CELF4: variants seen among roughly 807,000 people sequenced by gnomAD.
CELF4 encodes the protein CUGBP Elav-like family member 4.
A neutral mutation model predicts 59.9 loss-of-function variants in CELF4; 18 were observed. That is an observed-to-expected ratio of 0.30 (90% CI 0.21 to 0.45). CELF4 has a LOEUF of 0.45. Ranked by LOEUF, CELF4 falls within the 20% of genes least tolerant of loss-of-function variation. The pLI is 1.00. For missense variants in CELF4, 456 were observed against 689.0 expected (o/e 0.66, Z 3.79); for synonymous variants, 261 against 267.1 (o/e 0.98, Z 0.22).
In CELF4 at chr18:37,354,636, G is replaced by T. The variant is rs145334576; in HGVS notation, c.370-32755C>A. On this transcript the variant is annotated intron_variant, in intron 2 of 12. Coordinates refer to ENST00000420428, the MANE Select transcript of CELF4 (RefSeq NM_020180.4). Reference sequence around the variant, plus strand: ...CCCTTTGGGGTTGGGGTGGTGCCACGTTGGCTTCTGCTCCCCTGACTCCTT... The same window carrying T: ...CCCTTTGGGGTTGGGGTGGTGCCACTTTGGCTTCTGCTCCCCTGACTCCTT... Among the ~76,000 whole-genome samples, 3 of 152,352 alleles carry T rather than the reference G, an allele frequency of 2.0e-5. No individual in the cohort carries two copies. In the East Asian group the frequency reaches 5.8e-4, roughly 29 times the overall value.
chr18:37,414,327 C>T (rs538769111), intron 2 of CELF4, among the ~76,000 whole-genome samples: 1 of 151,792 alleles, frequency 6.6e-6, no homozygotes, highest in East Asian at 1.9e-4. Context: ...CCCATTCATT[C>T]TTTCATCCAT....
At chr18:37,321,941 C>G in intron 2 of CELF4, 60 bp from the exon 3 acceptor site, 1 of 1,414,838 alleles carries the variant, frequency 7.1e-7, no homozygotes, top group Non-Finnish European at 9.9e-7. Context: ...GGACAGACAC[C>G]CAGCACTCAG....
At chr18:37,417,207 T>C (rs2154593140) in intron 2 of CELF4, among the ~76,000 whole-genome samples, 1 of 152,266 alleles carries the variant, frequency 6.6e-6, no homozygotes, top group South Asian at 2.1e-4. Flanking sequence ...GGGCTCCAAG[T>C]GCAGGAGATA....
At chr18:37,393,744 C>T (rs890768558) in intron 2 of CELF4, among the ~76,000 whole-genome samples, 1 of 146,256 alleles carries the variant, frequency 6.8e-6, no homozygotes, top group Non-Finnish European at 1.5e-5. Flanking sequence ...GATTCCTTCA[C>T]CTTTTAACTA....
chr18:37,542,280 G>A (rs540252031), intron 1 of CELF4, among the ~76,000 whole-genome samples: 21 of 152,198 alleles, frequency 1.4e-4, no homozygotes, highest in Non-Finnish European at 2.6e-4. Context: ...ATTCACTTTG[G>A]GAATAGAGCT....
intron 3 of CELF4, among the ~76,000 whole-genome samples, chr18:37,289,598 A>T (rs1347904918): frequency 6.6e-6 from 1 of 150,792 alleles, no homozygotes; most frequent in African/African-American, 2.4e-5. Context: ...GGACACTGTC[A>T]GCTGCCCTTT....
At position 37,405,870 on chromosome 18, in the gene CELF4, TG is replaced by T. The variant is rs527589731; in HGVS notation, c.369+79654del. On this transcript the variant is annotated intron_variant, in intron 2 of 12. Coordinates refer to ENST00000420428, the MANE Select transcript of CELF4 (RefSeq NM_020180.4). ...CTTCAGGCCAGGCATGGGGTGGTGG[TG>T]GGGGGCTGGGCTGGCCCCCCTCCAG... 4.0e-4 allele frequency among the ~76,000 whole-genome samples: 60 copies of T among 151,726 alleles called. No individual in the cohort carries two copies. In the East Asian group the frequency reaches 8.4e-3, roughly 21 times the overall value.
At position 37,283,229 on chromosome 18, in the gene CELF4, G is replaced by A. The variant is rs115028749; in HGVS notation, c.449-7986C>T. On this transcript the variant is annotated intron_variant, in intron 3 of 12. Transcript: ENST00000420428. ...TCCCTCCTCCTTCTACCCTGAGGTT[G>A]GAGCCACCCAGGCATGACGGTCACC... Among the ~76,000 whole-genome samples, 437 of 151,776 alleles carry A rather than the reference G, an allele frequency of 2.9e-3. 3 individuals are homozygous for A. Among genetic ancestry groups the A allele is most frequent in the African/African-American group, 0.01 (421 of 41,396 alleles).
chr18:37,420,762 G>A (rs561568869), intron 2 of CELF4, among the ~76,000 whole-genome samples: 1 of 152,188 alleles, frequency 6.6e-6, no homozygotes, highest in African/African-American at 2.4e-5. Flanking sequence ...AGAGCTTTCT[G>A]AGCACAAACT....
intron 1 of CELF4, among the ~76,000 whole-genome samples, chr18:37,555,618 G>T (rs1024797428): frequency 6.6e-6 from 1 of 152,158 alleles, no homozygotes; most frequent in African/African-American, 2.4e-5. Flanking sequence ...ACATGATACA[G>T]TTTCTGGTTA....
At chr18:37,427,890 C>T (rs1350699888) in intron 2 of CELF4, among the ~76,000 whole-genome samples, 1 of 152,222 alleles carries the variant, frequency 6.6e-6, no homozygotes, top group Non-Finnish European at 1.5e-5. Context: ...GTTTTGCTGT[C>T]CTCCTGGTCC....
intron 2 of CELF4, among the ~76,000 whole-genome samples, chr18:37,367,241 G>T (rs2098796649): frequency 6.6e-6 from 1 of 152,140 alleles, no homozygotes; most frequent in Non-Finnish European, 1.5e-5. Flanking sequence ...CGAGAGAGTT[G>T]GAGAGCATGG....
intron 3 of CELF4, among the ~76,000 whole-genome samples, chr18:37,311,044 T>G (rs996026392): frequency 2.6e-5 from 4 of 151,980 alleles, no homozygotes; most frequent in African/African-American, 9.7e-5. Flanking sequence ...GCCCATTTGC[T>G]ATGATTAATA....
intron 2 of CELF4, among the ~76,000 whole-genome samples, chr18:37,392,624 T>G (rs1243650723): frequency 6.6e-6 from 1 of 152,234 alleles, no homozygotes; most frequent in African/African-American, 2.4e-5. Context: ...TAGTGCAGTA[T>G]GGCAGCACTC....
chr18:37,564,146 G>A (rs2099987406), intron 1 of CELF4, among the ~76,000 whole-genome samples: 1 of 152,132 alleles, frequency 6.6e-6, no homozygotes, highest in Non-Finnish European at 1.5e-5. Context: ...ATTAAAAACG[G>A]AACATCCATA....
chr18:37,477,704 G>A (rs942230581), intron 2 of CELF4, among the ~76,000 whole-genome samples: 2 of 152,100 alleles, frequency 1.3e-5, no homozygotes, highest in Admixed American at 6.5e-5. Context: ...ATCATGAGCT[G>A]TCTTCACACT....
At chr18:37,463,391 G>C (rs1325678196) in intron 2 of CELF4, among the ~76,000 whole-genome samples, 1 of 152,156 alleles carries the variant, frequency 6.6e-6, no homozygotes. Flanking sequence ...ACTGTGTCAG[G>C]TAATTCACAA....
intron 2 of CELF4, among the ~76,000 whole-genome samples, chr18:37,331,320 G>A (rs1040566978): frequency 3.3e-5 from 5 of 152,052 alleles, no homozygotes; most frequent in African/African-American, 1.2e-4. Flanking sequence ...GAAGTCACAA[G>A]CCTTTGCCTC....
At chr18:37,385,304 G>A (rs2099086813) in intron 2 of CELF4, among the ~76,000 whole-genome samples, 1 of 141,600 alleles carries the variant, frequency 7.1e-6, no homozygotes, top group Non-Finnish European at 1.5e-5. Flanking sequence ...GCAGTGAGTG[G>A]AGATCAAACT....
Sources: gnomAD v4.1 joint callset for allele counts (sites outside exome capture counted in the v4.1 genomes callset) on GRCh38, gnomAD v4.1.1 for gene constraint, MANE v1.5 for transcripts, NCBI Gene and HGNC (gene_info 2026-07-23, HGNC 2026-07-21) for gene names.